The following DOCK10 variants were observed in gnomAD, a reference collection of about 807,000 sequenced individuals.
The protein encoded by DOCK10 is dedicator of cytokinesis protein 10.
Under a neutral mutation model 280.1 loss-of-function variants are expected in DOCK10, and 145 were observed. The observed-to-expected ratio is 0.52, with a 90% confidence interval of 0.45 to 0.59. The LOEUF is 0.59. DOCK10 is among the 20% of genes least tolerant of loss of function. The pLI is 0.00. For missense variants in DOCK10, 2,368 were observed against 2,651.7 expected (o/e 0.89, Z 2.35); for synonymous variants, 915 against 942.2 (o/e 0.97, Z 0.53).
chr2:224,983,160 C>T (rs1705833437), intron 1 of DOCK10, among the ~76,000 whole-genome samples: 2 of 152,158 alleles, frequency 1.3e-5, no homozygotes, highest in Admixed American at 1.3e-4. Context: ...TTAGAAAAAG[C>T]AGCTGTAAAG....
At chr2:224,789,755 CA>C (rs1559406801) in intron 47 of DOCK10, among the ~76,000 whole-genome samples, 1 of 150,208 alleles carries the variant, frequency 6.7e-6, no homozygotes, top group Non-Finnish European at 1.5e-5. Flanking sequence ...CAGTGGCCCC[CA>C]AAAAGACAAG....
At chr2:225,040,527 T>G (rs989529812) in intron 1 of DOCK10, among the ~76,000 whole-genome samples, 1 of 151,668 alleles carries the variant, frequency 6.6e-6, no homozygotes, top group Non-Finnish European at 1.5e-5. Flanking sequence ...TGTGTGTGTG[T>G]GTGTGTGTGT....
chr2:225,036,098 C>A (rs1479435411), intron 1 of DOCK10, among the ~76,000 whole-genome samples: 1 of 152,152 alleles, frequency 6.6e-6, no homozygotes, highest in Admixed American at 6.5e-5. Context: ...GTAGGAGGAG[C>A]AACATTCGCC....
rs140208496 is a variant in DOCK10, at chr2:224,948,881, G to A, written c.124-17213C>T. Among the ~76,000 whole-genome samples the A allele has an allele frequency of 1.4e-3, 206 of 152,258 alleles. 1 individual carries two copies. Among genetic ancestry groups the A allele is most frequent in the Admixed American group, 0.011 (172 of 15,294 alleles). On this transcript the variant is annotated intron_variant, in intron 1 of 55. Coordinates refer to ENST00000258390, the MANE Select transcript of DOCK10 (RefSeq NM_014689.3). ...TTGAGAAACTGTTAAGCGACTTTCTGTCTGTCTAATATTTGCATCTATTTT... is the reference window on the plus strand; with the variant it reads ...TTGAGAAACTGTTAAGCGACTTTCTATCTGTCTAATATTTGCATCTATTTT...
rs1691772585 is a variant in DOCK10, at chr2:224,786,956, A to T, written c.5655+66T>A. On this transcript the variant is annotated intron_variant, in intron 50 of 55. Coordinates refer to ENST00000258390, the MANE Select transcript of DOCK10 (RefSeq NM_014689.3). The surrounding 1 kb of genome is among the most constrained non-coding windows in gnomAD (Gnocchi z 4.7). ...ACTGGTACACACAGATGTCTCATAA[A>T]GAATGAAAGACAACATTCAACTGCT... The T allele has an allele frequency of 8.5e-7, 1 of 1,181,248 alleles. No homozygotes were observed. The highest frequency in any genetic ancestry group is 1.3e-6 in the Non-Finnish European group (1 of 785,606). The allele number at this position is 1,181,248 out of a possible 1,614,324, so 73.2% of individuals were successfully genotyped here. A position where few individuals can be genotyped will look rare whatever the true frequency, so the allele number is the denominator to read the frequency against.
At chr2:224,929,588 C>A (rs1323035604) in intron 2 of DOCK10, among the ~76,000 whole-genome samples, 12 of 152,150 alleles carry the variant, frequency 7.9e-5, no homozygotes, top group Non-Finnish European at 2.9e-5. Context: ...AGTGGGGGAG[C>A]CACAGAAGGG....
chr2:224,959,394 T>C (rs919607729), intron 1 of DOCK10, among the ~76,000 whole-genome samples: 11 of 152,098 alleles, frequency 7.2e-5, no homozygotes, highest in Non-Finnish European at 1.5e-4. Flanking sequence ...CATTTCCAGG[T>C]AAACCTACAA....
chr2:225,015,224 C>G (rs961350597), intron 1 of DOCK10, among the ~76,000 whole-genome samples: 2 of 152,068 alleles, frequency 1.3e-5, no homozygotes, highest in African/African-American at 4.8e-5. Context: ...ATAAAAAACA[C>G]TTTTCCTTGT....
chr2:224,967,167 C>T (rs556545574), intron 1 of DOCK10, among the ~76,000 whole-genome samples: 59 of 151,658 alleles, frequency 3.9e-4, no homozygotes, highest in Non-Finnish European at 7.7e-4. Flanking sequence ...GCAAGCTCCA[C>T]CTCCCGGGTT....
intron 53 of DOCK10, among the ~76,000 whole-genome samples, chr2:224,772,783 T>C (rs971811913): frequency 6.6e-6 from 1 of 151,966 alleles, no homozygotes; most frequent in African/African-American, 2.4e-5. Context: ...AATCATTCTT[T>C]TTTGGATTTG....
At chr2:224,912,382 G>C (rs760348080) in intron 3 of DOCK10, among the ~76,000 whole-genome samples, 2 of 151,988 alleles carry the variant, frequency 1.3e-5, no homozygotes, top group East Asian at 3.9e-4. Flanking sequence ...TGATCCACCC[G>C]CCTCGGCTTC....
intron 3 of DOCK10, among the ~76,000 whole-genome samples, chr2:224,912,207 A>G (rs1701055652): frequency 6.6e-6 from 1 of 151,374 alleles, no homozygotes. Flanking sequence ...GCGATCTCAG[A>G]TCACTGCAAC....
chr2:224,931,777 A>G lies in DOCK10; in HGVS notation c.124-109T>C, dbSNP rs1702396542. The stretch of plus-strand genomic sequence containing the variant: ...ATCATTGAGGCTTTAACACTGCACA[A>G]TCCTTCCAATGCAGTCACAGAGACT... On this transcript the variant is annotated intron_variant, in intron 1 of 55. Coordinates refer to ENST00000258390, the MANE Select transcript of DOCK10 (RefSeq NM_014689.3). 6 of 1,201,128 alleles carry G rather than the reference A, an allele frequency of 5.0e-6. No individual in the cohort carries two copies. In the South Asian group the frequency reaches 5.2e-5, roughly 10 times the overall value. 74.4% of individuals were successfully genotyped at this position (1,201,128 alleles called of 1,614,324 possible).
chr2:224,960,221 C>T (rs989341219), intron 1 of DOCK10, among the ~76,000 whole-genome samples: 3 of 152,160 alleles, frequency 2.0e-5, no homozygotes, highest in Admixed American at 2.0e-4. Flanking sequence ...GGCTCCTGCT[C>T]CCGCCGTGCT....
chr2:224,770,418 G>C lies in DOCK10; in HGVS notation c.6306-69C>G. On this transcript the variant is annotated intron_variant, in intron 54 of 55. Transcript: ENST00000258390. This position sits in a 1 kb window ranked among gnomAD's most constrained non-coding sequence, Gnocchi z 4.5. ...GTGGCATTGAGCTCAGTGACTGTGA[G>C]TTCAGAGTCAGGCTGCTGATGGACT... 6.4e-7 allele frequency: 1 copy of C among 1,560,742 alleles called. No homozygotes were observed. Among genetic ancestry groups the C allele is most frequent in the Non-Finnish European group, 8.7e-7 (1 of 1,149,934 alleles).
chr2:224,877,195 T>C (rs1370185160), intron 7 of DOCK10, among the ~76,000 whole-genome samples: 1 of 152,230 alleles, frequency 6.6e-6, no homozygotes, highest in Non-Finnish European at 1.5e-5. Flanking sequence ...TCCTCAATTT[T>C]CCAGTCTAGG....
At chr2:224,765,994 C>T (rs550969034) in intron 55 of DOCK10, among the ~76,000 whole-genome samples, 157 bp from the exon 56 acceptor site, 12 of 152,222 alleles carry the variant, frequency 7.9e-5, no homozygotes, top group African/African-American at 2.2e-4. Flanking sequence ...AAAGAATTTT[C>T]CCCCAAGACC....
At chr2:224,886,583 A>C in intron 4 of DOCK10, 52 bp from the exon 5 acceptor site, 1 of 1,457,412 alleles carries the variant, frequency 6.9e-7, no homozygotes, top group Non-Finnish European at 9.3e-7. Context: ...GACAGCTTTC[A>C]TTTTAAGTTG....
chr2:224,915,531 A>G (rs1701258134), intron 3 of DOCK10, among the ~76,000 whole-genome samples: 1 of 152,240 alleles, frequency 6.6e-6, no homozygotes. Flanking sequence ...AACAGAAAAT[A>G]TGTACAGTCA....
Sources: gnomAD v4.1 joint callset for allele counts (sites outside exome capture counted in the v4.1 genomes callset) on GRCh38, gnomAD v4.1.1 for gene constraint, Gnocchi (gnomAD v3.1) non-coding constraint, MANE v1.5 for transcripts, NCBI Gene and HGNC (gene_info 2026-07-23, HGNC 2026-07-21) for gene names.